The following NAV2 variants were observed in gnomAD, a reference collection of about 807,000 sequenced individuals.
NAV2 encodes helicase, APC down-regulated 1.
In NAV2, 54 loss-of-function variants were observed where a neutral mutation model predicts 223.2. The ratio of observed to expected loss-of-function variants is 0.24; its 90% CI spans 0.19 to 0.30. The LOEUF is 0.30. Ranked by LOEUF, NAV2 falls within the 10% of genes least tolerant of loss-of-function variation. NAV2 has a pLI of 1.00. For missense variants in NAV2, 2,806 were observed against 3,147.5 expected (o/e 0.89, Z 2.60); for synonymous variants, 1,279 against 1,239.3 (o/e 1.03, Z -0.67).
At chr11:19,824,084 A>G (rs2059531629) in intron 1 of NAV2, among the ~76,000 whole-genome samples, 1 of 152,170 alleles carries the variant, frequency 6.6e-6, no homozygotes, top group East Asian at 1.9e-4. Context: ...ACTCAGTGTT[A>G]TTCATTTGAA....
intron 1 of NAV2, among the ~76,000 whole-genome samples, chr11:19,657,089 C>T (rs2048148540): frequency 6.6e-6 from 1 of 152,132 alleles, no homozygotes; most frequent in Admixed American, 6.5e-5. Context: ...GGGAAGTTAG[C>T]TCTACAGATT....
chr11:19,676,197 A>C (rs1457562831), intron 1 of NAV2, among the ~76,000 whole-genome samples: 3 of 152,144 alleles, frequency 2.0e-5, no homozygotes, highest in Admixed American at 1.3e-4. Flanking sequence ...CTGGCCTCAT[A>C]ATAAGAATAT....
chr11:19,395,634 C>A (rs559459618), intron 1 of NAV2, among the ~76,000 whole-genome samples: 1 of 152,214 alleles, frequency 6.6e-6, no homozygotes, highest in Non-Finnish European at 1.5e-5. Context: ...GAGTGGACAG[C>A]GGCTGAGCCA....
At chr11:19,700,572 C>A (rs1317950734) in intron 1 of NAV2, among the ~76,000 whole-genome samples, 8 of 152,158 alleles carry the variant, frequency 5.3e-5, no homozygotes, top group Admixed American at 5.2e-4. Flanking sequence ...CTGACATTAT[C>A]TCTTACTCTA....
intron 10 of NAV2, among the ~76,000 whole-genome samples, chr11:19,982,023 A>G (rs2050337918): frequency 6.6e-6 from 1 of 152,342 alleles, no homozygotes; most frequent in Non-Finnish European, 1.5e-5. Context: ...GCATTTAATA[A>G]GCACCTAGTA....
chr11:19,943,761 G>A (rs1181433793), intron 8 of NAV2, among the ~76,000 whole-genome samples: 1 of 152,100 alleles, frequency 6.6e-6, no homozygotes. Flanking sequence ...CTTGAAAATA[G>A]TCCTAGGCTT....
intron 1 of NAV2, among the ~76,000 whole-genome samples, chr11:19,586,928 T>C (rs2045917994): frequency 6.6e-6 from 1 of 152,262 alleles, no homozygotes; most frequent in African/African-American, 2.4e-5. Flanking sequence ...CATTTAAGTC[T>C]GCAGAGGTTT....
chr11:20,024,158 G>A (rs1006967331), intron 11 of NAV2, among the ~76,000 whole-genome samples: 2 of 152,116 alleles, frequency 1.3e-5, no homozygotes, highest in Non-Finnish European at 2.9e-5. Flanking sequence ...TTGTTGTGGA[G>A]GACTCACCGA....
At chr11:19,407,708 C>G (rs977787067) in intron 1 of NAV2, among the ~76,000 whole-genome samples, 5 of 151,816 alleles carry the variant, frequency 3.3e-5, no homozygotes, top group Admixed American at 2.6e-4. Flanking sequence ...CGCATGCCCC[C>G]CTTCCAACTT....
In NAV2 at chr11:19,937,868, G is replaced by A. The variant is rs75460761; in HGVS notation, c.2034-1793G>A. Among the ~76,000 whole-genome samples, 444 of 152,312 alleles carry A rather than the reference G, an allele frequency of 2.9e-3. 14 individuals carry two copies. In the South Asian group the frequency reaches 0.064, roughly 22 times the overall value. ...ATTTTCGCCAACAGGAGAATAAGGA[G>A]AGTGCTATAGGATCACATTTTAGCC... On this transcript the variant is annotated intron_variant, in intron 7 of 37. Coordinates refer to ENST00000349880, the MANE Select transcript of NAV2 (RefSeq NM_145117.5).
rs1191136296 is a variant in NAV2 at position 20,044,108 on chromosome 11, C to T, written c.3035C>T (p.Pro1012Leu). 1.2e-6 allele frequency: 2 copies of T among 1,614,202 alleles called. No individual in the cohort carries two copies. The highest frequency in any genetic ancestry group is 1.7e-6 in the Non-Finnish European group (2 of 1,180,034). Residue 1012 changes from proline to leucine, a missense_variant, in exon 13 of 38, where the codon CCT becomes CTT. Coordinates refer to ENST00000349880, the MANE Select transcript of NAV2 (RefSeq NM_145117.5). ...CCAGGTTCCAAGTGGAGGCGGAATC[C>T]TTCTGATGTGTCTGACGAGTCCGAC... ...MEPGSKWRRN[P>L]SDVSDESDKS...
intron 30 of NAV2, among the ~76,000 whole-genome samples, chr11:20,096,850 C>T (rs1376459015): frequency 1.3e-5 from 2 of 152,138 alleles, no homozygotes; most frequent in African/African-American, 2.4e-5. Flanking sequence ...CCGACCTAGG[C>T]CAAAAACTTA....
intron 1 of NAV2, among the ~76,000 whole-genome samples, chr11:19,659,512 G>A (rs1184573354): frequency 6.6e-6 from 1 of 152,162 alleles, no homozygotes; most frequent in Admixed American, 6.5e-5. Context: ...AAAGTAGGCA[G>A]GGAGGAGAGT....
chr11:19,982,031 G>GT (rs2153449965), intron 10 of NAV2, among the ~76,000 whole-genome samples: 1 of 152,280 alleles, frequency 6.6e-6, no homozygotes, highest in South Asian at 2.1e-4. Context: ...TAAGCACCTA[G>GT]TATGTACTAA....
At chr11:19,511,749 G>A (rs552285443) in intron 1 of NAV2, 2 of 152,280 alleles carry the variant, frequency 1.3e-5, no homozygotes, top group African/African-American at 4.8e-5. Context: ...CAGAATGAGA[G>A]AACCTCTTGT....
intron 3 of NAV2, among the ~76,000 whole-genome samples, chr11:19,846,631 A>T (rs1407306331): frequency 1.3e-5 from 2 of 152,234 alleles, no homozygotes; most frequent in Non-Finnish European, 2.9e-5. Flanking sequence ...AAGGCTTATG[A>T]GCCCATCACA....
At chr11:19,892,071 G>C (rs1432706342) in intron 5 of NAV2, among the ~76,000 whole-genome samples, 1 of 152,272 alleles carries the variant, frequency 6.6e-6, no homozygotes, top group Non-Finnish European at 1.5e-5. Context: ...TGATTCTCCT[G>C]TCTCAGCTTC....
chr11:20,118,035 C>A, intron 37 of NAV2, 98 bp from the exon 38 acceptor site: 1 of 1,404,748 alleles, frequency 7.1e-7, no homozygotes, highest in Non-Finnish European at 9.8e-7. Context: ...GGCTGTTATC[C>A]CAGGTGAGTC....
intron 1 of NAV2, among the ~76,000 whole-genome samples, chr11:19,550,954 A>G (rs1427664527): frequency 2.0e-5 from 3 of 152,248 alleles, no homozygotes; most frequent in Middle Eastern, 3.2e-3. Flanking sequence ...CGTAATCTAC[A>G]TATAATGAGA....
Sources: gnomAD v4.1 joint callset for allele counts (sites outside exome capture counted in the v4.1 genomes callset) on GRCh38, gnomAD v4.1.1 for gene constraint, MANE v1.5 for transcripts, NCBI Gene and HGNC (gene_info 2026-07-23, HGNC 2026-07-21) for gene names.